The following AK5 variants were observed in gnomAD, a reference collection of about 807,000 sequenced individuals.
The protein encoded by AK5 is adenylate kinase 5, also known as adenylate kinase isoenzyme 5.
A neutral mutation model predicts 69.5 loss-of-function variants in AK5; 27 were observed. That is an observed-to-expected ratio of 0.39 (90% CI 0.29 to 0.54). AK5 has a LOEUF of 0.54. AK5 is among the 20% of genes least tolerant of loss of function. The probability of loss-of-function intolerance (pLI) is 0.71; values close to 1 mark genes in which losing one functional copy is unlikely to be tolerated. For synonymous variants in AK5, 260 were observed against 244.4 expected, an observed-to-expected ratio of 1.06 and a Z score of -0.60; for missense variants, 531 against 700.4, an observed-to-expected ratio of 0.76 and a Z score of 2.73.
chr1:77,356,290 G>A (rs1662522903), intron 6 of AK5, among the ~76,000 whole-genome samples: 1 of 152,106 alleles, frequency 6.6e-6, no homozygotes, highest in South Asian at 2.1e-4. Flanking sequence ...AGAACACTTG[G>A]TACATAGTAA....
chr1:77,384,507 T>G (rs1385060722), intron 6 of AK5, among the ~76,000 whole-genome samples: 1 of 152,078 alleles, frequency 6.6e-6, no homozygotes, highest in African/African-American at 2.4e-5. Flanking sequence ...AAATTGAGAC[T>G]CAGAAAGGGA....
chr1:77,318,529 A>G (rs1464069382), intron 5 of AK5, among the ~76,000 whole-genome samples: 1 of 152,162 alleles, frequency 6.6e-6, no homozygotes, highest in Non-Finnish European at 1.5e-5. Context: ...TCCTTAGACT[A>G]TGAGGAATTT....
rs35087048 is a variant in AK5, at chr1:77,456,921, T to TAAAA, written c.1060-26384_1060-26381dup. ...GGAGCACATCCTGTAGTAGTTTCCT[T>TAAAA]AAAAAAAAAAAAAAAGTCAATGGGA... On this transcript the variant is annotated intron_variant, in intron 8 of 13. Transcript: ENST00000354567. Among the ~76,000 whole-genome samples, 525 of 143,914 alleles carry TAAAA rather than the reference T, an allele frequency of 3.6e-3. 1 individual carries two copies. The highest frequency in any genetic ancestry group is 0.013 in the African/African-American group (514 of 39,026). 94.4% of individuals were successfully genotyped at this position (143,914 alleles called of 152,430 possible). A position where few individuals can be genotyped will look rare whatever the true frequency, so the allele number is the denominator to read the frequency against.
intron 6 of AK5, among the ~76,000 whole-genome samples, chr1:77,390,253 C>G (rs1361294733): frequency 2.6e-5 from 4 of 152,180 alleles, no homozygotes; most frequent in Admixed American, 1.3e-4. Context: ...CACATAAGCA[C>G]AGTTCTAATG....
At chr1:77,484,612 G>A (rs1455067188) in intron 9 of AK5, among the ~76,000 whole-genome samples, 2 of 152,046 alleles carry the variant, frequency 1.3e-5, no homozygotes, top group African/African-American at 4.8e-5. Context: ...ACTGGATAGG[G>A]GATGACTGAT....
At chr1:77,347,167 A>G (rs561473973) in intron 6 of AK5, among the ~76,000 whole-genome samples, 70 of 152,324 alleles carry the variant, frequency 4.6e-4, no homozygotes, top group Non-Finnish European at 8.2e-4. Context: ...TTAGGTAACA[A>G]TGATATCTAT....
At chr1:77,420,516 G>T (rs1192256632) in intron 8 of AK5, 1 of 152,208 alleles carries the variant, frequency 6.6e-6, no homozygotes, top group Non-Finnish European at 1.5e-5. Context: ...AACCAGGAAT[G>T]TGTTTTATGG....
intron 12 of AK5, among the ~76,000 whole-genome samples, chr1:77,527,393 CA>C (rs778486445): frequency 6.7e-4 from 102 of 152,186 alleles, no homozygotes; most frequent in Non-Finnish European, 1.1e-3. Context: ...TAAAGTAAAG[CA>C]AAAAACTTCC....
intron 7 of AK5, among the ~76,000 whole-genome samples, 199 bp from the exon 8 acceptor site, chr1:77,417,440 T>C (rs936010532): frequency 6.6e-6 from 1 of 152,198 alleles, no homozygotes; most frequent in African/African-American, 2.4e-5. Context: ...TTTCTTCTTC[T>C]TAAGGATGCA....
At chr1:77,441,361 C>T (rs191780127) in intron 8 of AK5, among the ~76,000 whole-genome samples, 1 of 152,052 alleles carries the variant, frequency 6.6e-6, no homozygotes, top group Admixed American at 6.6e-5. Context: ...AACTTCCATG[C>T]TCTTTTATGT....
At chr1:77,441,661 G>C (rs1028463515) in intron 8 of AK5, among the ~76,000 whole-genome samples, 4 of 152,222 alleles carry the variant, frequency 2.6e-5, no homozygotes, top group Non-Finnish European at 4.4e-5. Context: ...TCAGTGGCAA[G>C]GGCTTCCGGG....
chr1:77,319,353 G>C (rs1660405704), intron 5 of AK5, among the ~76,000 whole-genome samples: 1 of 152,196 alleles, frequency 6.6e-6, no homozygotes, highest in Non-Finnish European at 1.5e-5. Context: ...ACAGAATTGG[G>C]GAGAGAATGG....
At chr1:77,531,172 G>C (rs546986467) in intron 12 of AK5, among the ~76,000 whole-genome samples, 30 of 152,318 alleles carry the variant, frequency 2.0e-4, no homozygotes, top group Admixed American at 7.8e-4. Flanking sequence ...TGGTGGGTTC[G>C]TGGTCTCGCT....
chr1:77,522,085 A>T (rs374395022), intron 12 of AK5, 142 bp downstream of exon 12: 89 of 644,716 alleles, frequency 1.4e-4, no homozygotes, highest in African/African-American at 1.2e-3. Context: ...CTAGAAATTT[A>T]AAAAAAGGAG....
rs144264546 is a variant in AK5 at position 77,481,780 on chromosome 1, C to T, written c.1060-1537C>T. Among the ~76,000 whole-genome samples, 73 of 152,302 alleles carry T rather than the reference C, an allele frequency of 4.8e-4. No homozygotes were observed. The East Asian group carries it at 0.014, about 29-fold the overall frequency. On this transcript the variant is annotated intron_variant, in intron 8 of 13. Transcript: ENST00000354567. ...ATTATAAATACATTTACTCTTTGAC[C>T]ATGCAGTCCCCTCTCTCGAAATTTA... is the stretch of plus-strand genomic sequence containing the variant.
chr1:77,343,722 G>A (rs1228970064), intron 6 of AK5, among the ~76,000 whole-genome samples: 2 of 152,110 alleles, frequency 1.3e-5, no homozygotes, highest in African/African-American at 4.8e-5. Flanking sequence ...GATGTCAAGA[G>A]CTTAAAACGG....
At chr1:77,482,340 C>G (rs189399536) in intron 8 of AK5, among the ~76,000 whole-genome samples, 16 of 152,260 alleles carry the variant, frequency 1.1e-4, no homozygotes, top group Admixed American at 3.3e-4. Context: ...CCATGGGCTA[C>G]TCCATAAGGA....
chr1:77,293,922 A>G lies in AK5; in HGVS notation c.377A>G (p.Asp126Gly). The change falls in exon 3 of 14, where the codon GAT becomes GGT. Residue 126 changes from aspartate (D) to glycine (G), a missense_variant. Coordinates refer to ENST00000354567, the MANE Select transcript of AK5 (RefSeq NM_174858.3). ...TTGATTGAGGAGTATGAGGTTTTTG[A>G]TCCTACCAGACCTCGACCAAAAATC... ...AELIEEYEVF[D>G]PTRPRPKIIL... The G allele has an allele frequency of 6.2e-7, 1 of 1,613,442 alleles. No individual in the cohort carries two copies. Among genetic ancestry groups the G allele is most frequent in the Non-Finnish European group, 8.5e-7 (1 of 1,179,768 alleles).
At chr1:77,556,720 AAAG>A (rs1384379655) in intron 13 of AK5, among the ~76,000 whole-genome samples, 1 of 152,228 alleles carries the variant, frequency 6.6e-6, no homozygotes, top group East Asian at 1.9e-4. Flanking sequence ...TAGTTTGCAC[AAAG>A]AAGATTTAAA....
Sources: gnomAD v4.1 joint callset for allele counts (sites outside exome capture counted in the v4.1 genomes callset) on GRCh38, gnomAD v4.1.1 for gene constraint, MANE v1.5 for transcripts, NCBI Gene and HGNC (gene_info 2026-07-23, HGNC 2026-07-21) for gene names.